Variants in MED12 observed in about 807,000 individuals in gnomAD.
MED12 encodes the protein mediator complex subunit 12.
MED12 carries 10 observed loss-of-function variants against 177.7 expected under a neutral mutation model. The observed-to-expected ratio is 0.06, with a 90% CI of 0.03 to 0.10. The LOEUF (loss-of-function observed/expected upper bound fraction) is 0.10. Among genes scored for constraint, MED12 ranks in the 10% least tolerant of loss-of-function variants. The probability of loss-of-function intolerance (pLI) is 1.00; values close to 1 mark genes in which losing one functional copy is unlikely to be tolerated. For missense variants in MED12, 867 were observed against 1,780.8 expected (o/e 0.49, Z 9.23); for synonymous variants, 641 against 678.4 (o/e 0.94, Z 0.86).
intron 26 of MED12, 51 bp downstream of exon 26, chrX:71,129,480 C>A: frequency 1.0e-6 from 1 of 989,591 alleles, no homozygotes; most frequent in Non-Finnish European, 1.4e-6. Flanking sequence ...GGGTGGAGTG[C>A]CAGCTAAACT....
chrX:71,134,100 A>G (rs1462498437), intron 33 of MED12, among the ~76,000 whole-genome samples: 2 of 109,447 alleles, frequency 1.8e-5, no homozygotes, highest in African/African-American at 6.7e-5. Context: ...GCGTGGTGGC[A>G]GGCGCCTGTA....
chrX:71,122,704 TG>T (rs759629308), intron 9 of MED12, 33 bp from the exon 10 acceptor site: 1 of 1,211,314 alleles, frequency 8.3e-7, no homozygotes, highest in South Asian at 1.8e-5. Flanking sequence ...ACCGGGCCTC[TG>T]GTTCAGTCCC....
intron 21 of MED12, 63 bp from the exon 22 acceptor site, chrX:71,127,830 A>T: frequency 1.2e-6 from 1 of 857,400 alleles, no homozygotes; most frequent in African/African-American, 2.0e-5. Context: ...CCCTTTCCTG[A>T]CCATCCCTCG....
chrX:71,126,863 G>A, intron 19 of MED12, 106 bp from the exon 20 acceptor site: 1 of 835,017 alleles, frequency 1.2e-6, no homozygotes. Context: ...GGTGGCTCCA[G>A]CAGGAAGGGG....
In MED12 at chrX:71,132,372, T is replaced by A. The variant is rs2092319756; in HGVS notation, c.4254-5T>A. On this transcript the variant is annotated splice_region_variant and splice_polypyrimidine_tract_variant and intron_variant, in intron 30 of 44. Coordinates refer to ENST00000374080, the MANE Select transcript of MED12 (RefSeq NM_005120.3). ...GTGACCCTGTGTCCTCTGTCTGTTC[T>A]CCAGCTCTCTAGAGCGCTCTGGTGT... 2 of 1,210,801 alleles carry A rather than the reference T, an allele frequency of 1.7e-6. No homozygotes were observed. The highest frequency in any genetic ancestry group is 2.2e-5 in the Admixed American group (1 of 46,058).
chrX:71,122,159 C>A, intron 7 of MED12, 41 bp from the exon 8 acceptor site: 1 of 1,207,213 alleles, frequency 8.3e-7, no homozygotes. Context: ...AGAGGGGTAA[C>A]CATGGTGAAT....
intron 33 of MED12, among the ~76,000 whole-genome samples, chrX:71,134,123 C>T (rs1358313281): frequency 3.8e-5 from 4 of 105,999 alleles, no homozygotes; most frequent in African/African-American, 1.0e-4. Context: ...CCCAGCTACT[C>T]GGGAGGCTGA....
At chrX:71,132,001 C>A in intron 29 of MED12, 72 bp from the exon 30 acceptor site, 2 of 989,051 alleles carry the variant, frequency 2.0e-6, no homozygotes, top group Non-Finnish European at 2.9e-6. Context: ...CATCTCCGAT[C>A]TCTCCTACCA....
chrX:71,118,693 C>T lies in MED12; in HGVS notation c.-62C>T, dbSNP rs769876044. 2.8e-5 allele frequency: 31 copies of T among 1,095,923 alleles called. No individual in the cohort carries two copies. The highest frequency in any genetic ancestry group is 3.2e-5 in the East Asian group (1 of 30,989). 90.3% of individuals were successfully genotyped at this position (1,095,923 alleles called of 1,213,427 possible). A position where few individuals can be genotyped will look rare whatever the true frequency, so the allele number is the denominator to read the frequency against. ...GCCCCCCTTTTCGGCTCCCTCTCCC[C>T]CTTCCCGTTCCCCCAGTCAGCCTGG... is the stretch of plus-strand genomic sequence containing the variant. On this transcript the variant is annotated 5_prime_UTR_variant, in exon 1 of 45. Coordinates refer to ENST00000374080, the MANE Select transcript of MED12 (RefSeq NM_005120.3).
Position 71,141,379 on chromosome X carries a change from T to C in MED12, c.6408+9T>C. The C allele has an allele frequency of 8.6e-7, 1 of 1,166,444 alleles. No individual in the cohort carries two copies. Among genetic ancestry groups the C allele is most frequent in the Non-Finnish European group, 1.1e-6 (1 of 872,609 alleles). The stretch of plus-strand genomic sequence containing the variant: ...CCCAGTCCCAGCCCCAGGTAGCTGC[T>C]GGACTACAGCCCCAGGCTCAGGGAC... On this transcript the variant is annotated intron_variant, in intron 43 of 44. Transcript: ENST00000374080.
At chrX:71,119,209 G>C (rs2092282920) in intron 1 of MED12, 164 bp from the exon 2 acceptor site, 1 of 483,916 alleles carries the variant, frequency 2.1e-6, no homozygotes, top group Admixed American at 3.0e-5. Flanking sequence ...AGTGAGGGTG[G>C]GGTCCAAGTG....
chrX:71,129,807 C>T lies in MED12; in HGVS notation c.3819C>T (p.Ala1273=). The change falls in exon 27 of 45, where the codon GCC becomes GCT. Residue 1273 remains alanine, a synonymous_variant. Transcript: ENST00000374080. ...QGGRNISVET[A]SLDVYAKYVL... ...GCCGCAACATCTCTGTGGAGACAGC[C>T]AGTCTGGATGTCTATGCCAAGTACG... 2.5e-6 allele frequency: 3 copies of T among 1,211,549 alleles called. No homozygotes were observed. The highest frequency in any genetic ancestry group is 3.4e-6 in the Non-Finnish European group (3 of 895,338).
intron 41 of MED12, among the ~76,000 whole-genome samples, chrX:71,139,853 C>T (rs1432186460): frequency 2.8e-5 from 3 of 108,502 alleles, no homozygotes; most frequent in African/African-American, 1.0e-4. Flanking sequence ...GAGCCGAGAT[C>T]GCATCATTGC....
intron 31 of MED12, 64 bp from the exon 32 acceptor site, chrX:71,132,780 CT>C (rs2092321492): frequency 3.4e-6 from 1 of 297,233 alleles, no homozygotes; most frequent in East Asian, 4.4e-5. Flanking sequence ...CTTCTCTTCT[CT>C]TCTCTTCTCT....
intron 41 of MED12, 102 bp from the exon 42 acceptor site, chrX:71,140,533 T>C (rs1316843628): frequency 1.7e-6 from 2 of 1,196,439 alleles, no homozygotes; most frequent in Non-Finnish European, 2.3e-6. Flanking sequence ...ATGAATGAAA[T>C]AACCTGCTAA....
Position 71,124,974 on chromosome X carries a change from A to T in MED12, c.2056-2A>T. On this transcript the variant is annotated splice_acceptor_variant, in intron 14 of 44. Coordinates refer to ENST00000374080, the MANE Select transcript of MED12 (RefSeq NM_005120.3). LOFTEE classifies it high-confidence loss of function. ...TGTTCTGCTTTCTCACCTTTCTCTC[A>T]GTTGTTCTCCCCTACTATGCCCTGT... 1.7e-6 allele frequency: 2 copies of T among 1,209,569 alleles called. No individual in the cohort carries two copies. Among genetic ancestry groups the T allele is most frequent in the Non-Finnish European group, 1.1e-6 (1 of 894,637 alleles).
intron 26 of MED12, 105 bp downstream of exon 26, chrX:71,129,534 C>G: frequency 2.1e-6 from 2 of 975,374 alleles, no homozygotes; most frequent in Non-Finnish European, 2.9e-6. Context: ...TCTCTCTGAC[C>G]TTTGGGGAGG....
At position 71,141,350 on chromosome X, in the gene MED12, C is replaced by A; in HGVS notation, c.6388C>A (p.Gln2130Lys). The change falls in exon 43 of 45, where the codon CAG becomes AAG. Residue 2130 changes from glutamine (Q) to lysine (K), a missense_variant. By Grantham distance (53) the Gln-to-Lys change is moderately conservative (BLOSUM62 1). This residue lies in a region of MED12 where 236 missense variants were observed against 345.2 expected (regional missense o/e 0.68). Coordinates refer to ENST00000374080, the MANE Select transcript of MED12 (RefSeq NM_005120.3). ...GCAACAGGCGGCTCCTCCCCAACCCCAGCCCCAGTCCCAGCCCCAGGTAGC... is the reference window on the plus strand; with the variant it reads ...GCAACAGGCGGCTCCTCCCCAACCCAAGCCCCAGTCCCAGCCCCAGGTAGC... ...QQQQAAPPQPQPQSQPQFQRQ... is the reference protein window; with the variant it reads ...QQQQAAPPQPKPQSQPQFQRQ... 8.6e-7 allele frequency: 1 copy of A among 1,166,638 alleles called. No homozygotes were observed. The highest frequency in any genetic ancestry group is 1.9e-5 in the South Asian group (1 of 52,668).
Position 71,142,300 on chromosome X carries a change from C to A in MED12, c.*82C>A. The A allele has an allele frequency of 9.6e-7, 1 of 1,042,002 alleles. No homozygotes were observed. Among genetic ancestry groups the A allele is most frequent in the Non-Finnish European group, 1.3e-6 (1 of 741,563 alleles). 85.9% of individuals were successfully genotyped at this position (1,042,002 alleles called of 1,213,427 possible). A position where few individuals can be genotyped will look rare whatever the true frequency, so the allele number is the denominator to read the frequency against. Reference sequence around the variant, plus strand: ...CCCAATCCCATTCCTGGGCTAGCACCAGTAGTGGTTGGGGCCCTCCCCTCA... The same window carrying A: ...CCCAATCCCATTCCTGGGCTAGCACAAGTAGTGGTTGGGGCCCTCCCCTCA... On this transcript the variant is annotated 3_prime_UTR_variant, in exon 45 of 45. Transcript: ENST00000374080.
Sources: gnomAD v4.1 joint callset for allele counts (sites outside exome capture counted in the v4.1 genomes callset) on GRCh38, gnomAD v4.1.1 for gene constraint, gnomAD v4.1.1 regional missense constraint, MANE v1.5 for transcripts, NCBI Gene and HGNC (gene_info 2026-07-23, HGNC 2026-07-21) for gene names.